Variants in CEP57 observed in about 807,000 individuals in gnomAD.
CEP57 encodes centrosomal protein 57.
Under a neutral mutation model 68.0 loss-of-function variants are expected in CEP57, and 40 were observed. That is an observed-to-expected ratio of 0.59 (90% CI 0.46 to 0.77). The LOEUF (loss-of-function observed/expected upper bound fraction) is 0.77. Ranked by LOEUF, CEP57 falls within the 30% of genes least tolerant of loss-of-function variation. The probability of loss-of-function intolerance (pLI) is 0.00; values close to 1 mark genes in which losing one functional copy is unlikely to be tolerated. For missense variants in CEP57, 606 were observed against 580.7 expected (o/e 1.04, Z -0.45); for synonymous variants, 219 against 198.7 (o/e 1.10, Z -0.86).
At chr11:95,812,148 GTAT>G (rs1862091807) in intron 2 of CEP57, among the ~76,000 whole-genome samples, 1 of 152,210 alleles carries the variant, frequency 6.6e-6, no homozygotes, top group East Asian at 1.9e-4. Flanking sequence ...GATTTTAAAA[GTAT>G]TATTTTTGTG....
rs1860979947 is a variant in CEP57 at position 95,790,617 on chromosome 11, T to G, written c.-82T>G. On this transcript the variant is annotated 5_prime_UTR_variant, in exon 1 of 11. Transcript: ENST00000325542. ...GGGTTCAGCCTAGGGTCCCCGCTGG[T>G]GGGCGGCTCCCGAGTCTTGGAGAAG... The G allele has an allele frequency of 6.5e-7, 1 of 1,542,570 alleles. No individual in the cohort carries two copies.
rs151075559 is a variant in CEP57, at chr11:95,818,948, G to A, written c.699+44G>A. On this transcript the variant is annotated intron_variant, in intron 6 of 10. Coordinates refer to ENST00000325542, the MANE Select transcript of CEP57 (RefSeq NM_014679.5). ...AAGTGGGCTCTTCATATTTCTTACC[G>A]CTTTTTGTGTACAAGTAAACAATTA... 4.3e-3 allele frequency: 6,031 copies of A among 1,417,460 alleles called. 25 individuals carry two copies. The highest frequency in any genetic ancestry group is 5.0e-3 in the Non-Finnish European group (4,995 of 1,002,430). 87.8% of individuals were successfully genotyped at this position (1,417,460 alleles called of 1,614,324 possible). A position where few individuals can be genotyped will look rare whatever the true frequency, so the allele number is the denominator to read the frequency against.
intron 2 of CEP57, among the ~76,000 whole-genome samples, chr11:95,800,192 C>T (rs1861514361): frequency 6.6e-6 from 1 of 152,128 alleles, no homozygotes; most frequent in Non-Finnish European, 1.5e-5. Context: ...TTACTAGAGG[C>T]TCTGGGGAAG....
In CEP57 at chr11:95,826,441, G is replaced by A. The variant is rs557056891; in HGVS notation, c.886-1345G>A. The A allele has an allele frequency of 2.0e-5, 3 of 152,294 alleles. 1 individual carries two copies. Among genetic ancestry groups the A allele is most frequent in the African/African-American group, 7.2e-5 (3 of 41,536 alleles). The allele number at this position is 152,294 out of a possible 1,614,324, so 9.4% of individuals were successfully genotyped here. ...ACATACACTGGAGCCTGTTTGGTGG[G>A]GGAGTTGGTCAACGGGGAGGGAGAG... On this transcript the variant is annotated intron_variant, in intron 8 of 10. Coordinates refer to ENST00000325542, the MANE Select transcript of CEP57 (RefSeq NM_014679.5).
chr11:95,824,358 C>G (rs1438601174), intron 8 of CEP57, among the ~76,000 whole-genome samples: 1 of 152,058 alleles, frequency 6.6e-6, no homozygotes, highest in Non-Finnish European at 1.5e-5. Flanking sequence ...ATTGAAAATG[C>G]AGCTTTTATG....
At chr11:95,819,741 A>G (rs1192070989) in intron 6 of CEP57, among the ~76,000 whole-genome samples, 1 of 152,212 alleles carries the variant, frequency 6.6e-6, no homozygotes, top group African/African-American at 2.4e-5. Context: ...CCAAAGGCCT[A>G]CAATGTCTTG....
chr11:95,818,087 AT>A (rs547750825), intron 5 of CEP57, 184 bp downstream of exon 5: 551 of 554,816 alleles, frequency 9.9e-4, no homozygotes, highest in East Asian at 1.6e-3. Context: ...CTTGGTGGGC[AT>A]TTTTTTTTAT....
At chr11:95,795,499 CTTT>C in intron 1 of CEP57, 1 of 375,186 alleles carries the variant, frequency 2.7e-6, no homozygotes, top group Non-Finnish European at 4.8e-6. Flanking sequence ...AGCTGTTATT[CTTT>C]TTTTTTTTCT....
At chr11:95,814,238 T>G (rs79387778) in intron 4 of CEP57, among the ~76,000 whole-genome samples, 11 of 151,016 alleles carry the variant, frequency 7.3e-5, no homozygotes, top group African/African-American at 2.7e-4. Flanking sequence ...TGTGTGTGTA[T>G]TTTTAGTATA....
At chr11:95,823,475 G>A (rs1862596638) in intron 8 of CEP57, among the ~76,000 whole-genome samples, 1 of 151,682 alleles carries the variant, frequency 6.6e-6, no homozygotes, top group African/African-American at 2.4e-5. Context: ...AGAAAAAGTT[G>A]GTATGTCATA....
chr11:95,802,276 A>C (rs1384200160), intron 2 of CEP57, among the ~76,000 whole-genome samples: 2 of 138,304 alleles, frequency 1.4e-5, no homozygotes, highest in South Asian at 4.6e-4. Context: ...TTTTTTTTTG[A>C]GACAGTCTCA....
At chr11:95,797,548 C>G (rs1380993444) in intron 1 of CEP57, among the ~76,000 whole-genome samples, 1 of 152,134 alleles carries the variant, frequency 6.6e-6, no homozygotes, top group African/African-American at 2.4e-5. Context: ...CCTGAAGCTA[C>G]CTAGGTGCCC....
At chr11:95,812,394 C>T (rs1443670514) in intron 2 of CEP57, among the ~76,000 whole-genome samples, 1 of 151,972 alleles carries the variant, frequency 6.6e-6, no homozygotes, top group Non-Finnish European at 1.5e-5. Flanking sequence ...TTTACTTGAG[C>T]ACATTTCAAA....
At chr11:95,827,682 C>A (rs964569782) in intron 8 of CEP57, 104 bp from the exon 9 acceptor site, 1 of 1,291,180 alleles carries the variant, frequency 7.7e-7, no homozygotes, top group Non-Finnish European at 1.1e-6. Context: ...TTTATATACT[C>A]TACTTTAGGG....
intron 2 of CEP57, among the ~76,000 whole-genome samples, chr11:95,800,086 GT>G (rs1861509583): frequency 6.6e-6 from 1 of 152,214 alleles, no homozygotes; most frequent in African/African-American, 2.4e-5. Context: ...TGTTATCTCA[GT>G]TTTCTGTAGG....
intron 2 of CEP57, among the ~76,000 whole-genome samples, chr11:95,806,245 C>T (rs1861793485): frequency 6.6e-6 from 1 of 152,190 alleles, no homozygotes; most frequent in Non-Finnish European, 1.5e-5. Context: ...AAATAAAGAA[C>T]AACTTGGTCC....
chr11:95,813,763 T>G (rs142702697), intron 4 of CEP57, among the ~76,000 whole-genome samples, 174 bp downstream of exon 4: 2 of 152,246 alleles, frequency 1.3e-5, no homozygotes, highest in African/African-American at 4.8e-5. Flanking sequence ...TTGTTGTTAT[T>G]GTTGTGTTTC....
intron 6 of CEP57, among the ~76,000 whole-genome samples, chr11:95,821,397 TTTTTG>T (rs1268217423): frequency 2.6e-5 from 4 of 152,172 alleles, no homozygotes; most frequent in African/African-American, 7.2e-5. Context: ...TGTTTTTTGT[TTTTTG>T]TTATTTTTTT....
At chr11:95,811,960 CAATT>C (rs1362292319) in intron 2 of CEP57, among the ~76,000 whole-genome samples, 2 of 152,024 alleles carry the variant, frequency 1.3e-5, no homozygotes, top group East Asian at 3.8e-4. Flanking sequence ...TGTTTTGTCT[CAATT>C]TATTTTACAC....
Sources: gnomAD v4.1 joint callset for allele counts (sites outside exome capture counted in the v4.1 genomes callset) on GRCh38, gnomAD v4.1.1 for gene constraint, MANE v1.5 for transcripts, NCBI Gene and HGNC (gene_info 2026-07-23, HGNC 2026-07-21) for gene names.